POU2F1: variants seen among roughly 807,000 people sequenced by gnomAD.
POU2F1 encodes POU class 2 homeobox 1, also known as POU domain, class 2, transcription factor 1.
Under a neutral mutation model 84.9 loss-of-function variants are expected in POU2F1, and 16 were observed. The observed-to-expected ratio is 0.19, with a 90% confidence interval of 0.13 to 0.29. POU2F1 has a LOEUF of 0.29. Ranked by LOEUF, POU2F1 falls within the 10% of genes least tolerant of loss-of-function variation. The pLI is 1.00. For synonymous variants in POU2F1, 368 were observed against 368.3 expected (o/e 1.00, Z 0.01); for missense variants, 738 against 942.6 (o/e 0.78, Z 2.84).
Position 167,412,017 on chromosome 1 carries a change from T to A in POU2F1, c.1614T>A (p.Ala538=). 1 of 1,614,128 alleles carries A rather than the reference T, an allele frequency of 6.2e-7. No homozygotes were observed. The highest frequency in any genetic ancestry group is 8.5e-7 in the Non-Finnish European group (1 of 1,180,004). The change falls in exon 14 of 16, where the codon GCT becomes GCA. Residue 538 remains alanine (A), a synonymous_variant. Coordinates refer to ENST00000367866, the MANE Select transcript of POU2F1 (RefSeq NM_002697.4). Reference sequence around the variant, plus strand: ...CCGTGATTTCCACAGCGCCTCCAGCTTCCTCAGCAGTCACGTCCCCCTCTC... The same window carrying A: ...CCGTGATTTCCACAGCGCCTCCAGCATCCTCAGCAGTCACGTCCCCCTCTC... ...TATVISTAPP[A]SSAVTSPSLS... is the part of the protein sequence containing the mutation.
At position 167,302,845 on chromosome 1, in the gene POU2F1, A is replaced by G. The variant is rs180869565; in HGVS notation, c.62-29625A>G. On this transcript the variant is annotated intron_variant, in intron 1 of 15. Coordinates refer to ENST00000367866, the MANE Select transcript of POU2F1 (RefSeq NM_002697.4). The stretch of plus-strand genomic sequence containing the variant: ...ATGTTAAATAAGAGTCATAGCATGT[A>G]CCATTTCTTTATTGGTTTATGTTGT... 1.2e-3 allele frequency among the ~76,000 whole-genome samples: 180 copies of G among 152,296 alleles called. 2 individuals are homozygous for G. Among genetic ancestry groups the G allele is most frequent in the African/African-American group, 4.0e-3 (166 of 41,560 alleles).
chr1:167,281,592 A>G (rs1653143214), intron 1 of POU2F1, among the ~76,000 whole-genome samples: 1 of 152,206 alleles, frequency 6.6e-6, no homozygotes, highest in Admixed American at 6.5e-5. Flanking sequence ...GATTGGTTAC[A>G]GCTCAGCATT....
intron 9 of POU2F1, among the ~76,000 whole-genome samples, chr1:167,394,137 A>T (rs1023299368): frequency 6.6e-6 from 1 of 151,904 alleles, no homozygotes; most frequent in South Asian, 2.1e-4. Context: ...CTCGTGCCTC[A>T]GCCTTCTGAG....
intron 13 of POU2F1, among the ~76,000 whole-genome samples, chr1:167,408,349 CT>C (rs986091748): frequency 1.3e-5 from 2 of 152,152 alleles, no homozygotes; most frequent in African/African-American, 4.8e-5. Flanking sequence ...ATTTACCGTC[CT>C]ACCCAGCAAT....
At chr1:167,240,680 C>G (rs1393529471) in intron 1 of POU2F1, among the ~76,000 whole-genome samples, 3 of 152,158 alleles carry the variant, frequency 2.0e-5, no homozygotes, top group Non-Finnish European at 4.4e-5. Context: ...TCTTGTGCTT[C>G]TGCATAAACA....
chr1:167,312,004 G>A (rs1200543080), intron 1 of POU2F1, among the ~76,000 whole-genome samples: 3 of 151,576 alleles, frequency 2.0e-5, no homozygotes, highest in South Asian at 2.1e-4. Context: ...GCGCACTCTC[G>A]GCTCACTGCA....
intron 1 of POU2F1, among the ~76,000 whole-genome samples, chr1:167,260,023 C>T (rs1651437302): frequency 6.6e-6 from 1 of 152,072 alleles, no homozygotes; most frequent in South Asian, 2.1e-4. Context: ...GGACTACAGG[C>T]ACCCGCCACC....
At chr1:167,387,654 TTTA>T (rs1216315066) in intron 8 of POU2F1, among the ~76,000 whole-genome samples, 9 of 152,194 alleles carry the variant, frequency 5.9e-5, no homozygotes, top group Non-Finnish European at 1.3e-4. Context: ...AGCCACAGAC[TTTA>T]TCTGTAATTC....
chr1:167,312,506 A>G (rs1655568705), intron 1 of POU2F1, among the ~76,000 whole-genome samples: 1 of 152,192 alleles, frequency 6.6e-6, no homozygotes, highest in African/African-American at 2.4e-5. Flanking sequence ...CTTGGATTAC[A>G]GGCATGAGCC....
At chr1:167,259,551 C>T (rs1355107658) in intron 1 of POU2F1, among the ~76,000 whole-genome samples, 1 of 152,002 alleles carries the variant, frequency 6.6e-6, no homozygotes, top group African/African-American at 2.4e-5. Flanking sequence ...TCTCCCTGTG[C>T]GTACATGTTA....
intron 1 of POU2F1, among the ~76,000 whole-genome samples, chr1:167,284,306 T>C (rs1653368817): frequency 6.6e-6 from 1 of 152,200 alleles, no homozygotes; most frequent in South Asian, 2.1e-4. Context: ...AGGTCAGTTA[T>C]TTAAAAATCA....
At chr1:167,327,216 A>G (rs949953833) in intron 1 of POU2F1, among the ~76,000 whole-genome samples, 18 of 152,220 alleles carry the variant, frequency 1.2e-4, no homozygotes, top group African/African-American at 4.1e-4. Context: ...CCCTGGCACA[A>G]CTGCATCACA....
At chr1:167,333,070 G>T (rs1165789957) in intron 2 of POU2F1, among the ~76,000 whole-genome samples, 1 of 152,070 alleles carries the variant, frequency 6.6e-6, no homozygotes, top group Non-Finnish European at 1.5e-5. Context: ...TAAAAGTTAT[G>T]ATAGTAAGTA....
At chr1:167,329,311 G>C (rs1656923247) in intron 1 of POU2F1, 2 of 1,548,196 alleles carry the variant, frequency 1.3e-6, no homozygotes, top group Non-Finnish European at 1.7e-6. Flanking sequence ...TTCTAGGTGG[G>C]TACCAGCACA....
intron 1 of POU2F1, among the ~76,000 whole-genome samples, chr1:167,288,243 G>A (rs775610137): frequency 2.0e-5 from 3 of 151,082 alleles, no homozygotes; most frequent in Non-Finnish European, 4.4e-5. Context: ...CATAGTAAAT[G>A]CTTGGCTAAC....
chr1:167,381,227 C>G (rs1051608541), intron 7 of POU2F1, among the ~76,000 whole-genome samples: 1 of 152,040 alleles, frequency 6.6e-6, no homozygotes, highest in East Asian at 1.9e-4. Flanking sequence ...GGACTACAGG[C>G]GCATGCCACC....
intron 1 of POU2F1, among the ~76,000 whole-genome samples, chr1:167,317,496 C>G (rs1473466568): frequency 2.0e-5 from 3 of 152,182 alleles, no homozygotes; most frequent in African/African-American, 7.2e-5. Flanking sequence ...GAGCCACGAA[C>G]AGAGCTTTAC....
chr1:167,246,921 A>G (rs916341069), intron 1 of POU2F1, among the ~76,000 whole-genome samples: 66 of 152,304 alleles, frequency 4.3e-4, no homozygotes, highest in Non-Finnish European at 7.4e-5. Context: ...TAGACAGTAA[A>G]TCGATTAGTT....
chr1:167,298,555 T>C (rs994027219), intron 1 of POU2F1, among the ~76,000 whole-genome samples: 8 of 152,160 alleles, frequency 5.3e-5, no homozygotes, highest in Non-Finnish European at 1.2e-4. Context: ...ATCCTGAGAA[T>C]AAGTAAACAA....
Sources: gnomAD v4.1 joint callset for allele counts (sites outside exome capture counted in the v4.1 genomes callset) on GRCh38, gnomAD v4.1.1 for gene constraint, MANE v1.5 for transcripts, NCBI Gene and HGNC (gene_info 2026-07-23, HGNC 2026-07-21) for gene names.